Variants in GCH1 observed in about 807,000 individuals in gnomAD.
GCH1 encodes GTP cyclohydrolase 1.
In GCH1, 5 loss-of-function variants were observed where a neutral mutation model predicts 25.9. That is an observed-to-expected ratio of 0.19 (90% CI 0.10 to 0.41). The LOEUF (loss-of-function observed/expected upper bound fraction) is 0.41. GCH1 is among the 10% of genes least tolerant of loss of function. The pLI is 1.00. For missense variants in GCH1, 261 were observed against 336.5 expected (o/e 0.78, Z 1.75); for synonymous variants, 159 against 129.6 (o/e 1.23, Z -1.54).
intron 1 of GCH1, among the ~76,000 whole-genome samples, chr14:54,878,424 A>T (rs2040194674): frequency 6.6e-6 from 1 of 152,242 alleles, no homozygotes; most frequent in Non-Finnish European, 1.5e-5. Context: ...TGCCTAGGGC[A>T]TCACACCTCT....
intron 2 of GCH1, among the ~76,000 whole-genome samples, chr14:54,863,617 T>C (rs548003315): frequency 6.7e-6 from 1 of 150,220 alleles, no homozygotes; most frequent in Admixed American, 6.7e-5. Flanking sequence ...TAAACTACAA[T>C]GACAGGCAAT....
At chr14:54,859,055 G>A (rs1246175502) in intron 3 of GCH1, among the ~76,000 whole-genome samples, 1 of 152,230 alleles carries the variant, frequency 6.6e-6, no homozygotes, top group Admixed American at 6.5e-5. Context: ...GCTGTGCAAA[G>A]CCAAGGCAGG....
intron 1 of GCH1, among the ~76,000 whole-genome samples, chr14:54,879,984 CAAAAAAA>C (rs35476604): frequency 6.0e-5 from 3 of 49,590 alleles, no homozygotes; most frequent in African/African-American, 6.8e-5. Context: ...GGCTCTGTCT[CAAAAAAA>C]AAAAAAAAAA....
At chr14:54,844,978 C>T (rs2039617985) in intron 5 of GCH1, among the ~76,000 whole-genome samples, 1 of 152,134 alleles carries the variant, frequency 6.6e-6, no homozygotes, top group Admixed American at 6.5e-5. Flanking sequence ...TTGAGATCCC[C>T]AGCCTGGCCA....
At position 54,902,652 on chromosome 14, in the gene GCH1, G is replaced by A. The variant is rs760502498; in HGVS notation, c.12C>T (p.Gly4=). Residue 4 remains glycine, a synonymous_variant, in exon 1 of 6, where the codon GGC becomes GGT. Coordinates refer to ENST00000491895, the MANE Select transcript of GCH1 (RefSeq NM_000161.3). The stretch of plus-strand genomic sequence containing the variant: ...GCTTCTCCGCCGGTGCCCGCACAGG[G>A]CCCTTCTCCATGGACCCGCCGCAGC... MEK[G]PVRAPAEKPR... 6.8e-7 allele frequency: 1 copy of A among 1,475,696 alleles called. No individual in the cohort carries two copies. The highest frequency in any genetic ancestry group is 1.3e-5 in the South Asian group (1 of 76,940). The allele number at this position is 1,475,696 out of a possible 1,614,324, so 91.4% of individuals were successfully genotyped here.
At chr14:54,870,908 C>T (rs1438542977) in intron 1 of GCH1, among the ~76,000 whole-genome samples, 1 of 152,256 alleles carries the variant, frequency 6.6e-6, no homozygotes, top group African/African-American at 2.4e-5. Flanking sequence ...CCTCCGTAGA[C>T]TCCACCTCTG....
chr14:54,867,589 C>CAAAAAAAAAAA lies in GCH1; in HGVS notation c.344-2164_344-2154dup, dbSNP rs1029899399. The stretch of plus-strand genomic sequence containing the variant: ...GGCAAGAGAGAACAAGACTCCGTCT[C>CAAAAAAAAAAA]AAAAAAAAAAAAAAAAAAAAAAAAA... On this transcript the variant is annotated intron_variant, in intron 1 of 5. Transcript: ENST00000491895. Among the ~76,000 whole-genome samples the CAAAAAAAAAAA allele has an allele frequency of 1.7e-3, 81 of 46,640 alleles. 2 individuals carry two copies. Among genetic ancestry groups the CAAAAAAAAAAA allele is most frequent in the Non-Finnish European group, 2.0e-3 (52 of 25,462 alleles). The allele number at this position is 46,640 out of a possible 152,430, so 30.6% of individuals were successfully genotyped here.
At chr14:54,866,911 A>C (rs1428102369) in intron 1 of GCH1, among the ~76,000 whole-genome samples, 1 of 152,148 alleles carries the variant, frequency 6.6e-6, no homozygotes, top group Admixed American at 6.5e-5. Flanking sequence ...CCAGGAGAAA[A>C]AGGCGCAGTG....
chr14:54,889,306 C>T (rs944373625), intron 1 of GCH1, among the ~76,000 whole-genome samples: 3 of 152,222 alleles, frequency 2.0e-5, no homozygotes, highest in Non-Finnish European at 4.4e-5. Context: ...ATAGCCCTTC[C>T]TCACTGCTAA....
chr14:54,862,666 C>G (rs1371474097), intron 2 of GCH1, among the ~76,000 whole-genome samples: 1 of 126,520 alleles, frequency 7.9e-6, no homozygotes, highest in East Asian at 2.6e-4. Flanking sequence ...AGGTTGGTCT[C>G]AAACTCCTGA....
chr14:54,898,770 C>A (rs548058499), intron 1 of GCH1, among the ~76,000 whole-genome samples: 1 of 152,254 alleles, frequency 6.6e-6, no homozygotes, highest in African/African-American at 2.4e-5. Context: ...CAGGTATGCG[C>A]CACCACATCT....
chr14:54,873,076 A>C (rs1011634694), intron 1 of GCH1, among the ~76,000 whole-genome samples: 1 of 152,032 alleles, frequency 6.6e-6, no homozygotes, highest in African/African-American at 2.4e-5. Context: ...CATCACACTT[A>C]TTCCAAAATT....
intron 3 of GCH1, among the ~76,000 whole-genome samples, chr14:54,855,698 C>T (rs1029215075): frequency 1.3e-5 from 2 of 151,634 alleles, no homozygotes; most frequent in South Asian, 4.2e-4. Context: ...TCAGTAATCC[C>T]AGCTACTGGG....
At chr14:54,882,424 C>T (rs1433028570) in intron 1 of GCH1, among the ~76,000 whole-genome samples, 1 of 152,234 alleles carries the variant, frequency 6.6e-6, no homozygotes, top group Non-Finnish European at 1.5e-5. Context: ...CCAAAGAACT[C>T]GCCTTTCTGG....
intron 1 of GCH1, among the ~76,000 whole-genome samples, chr14:54,894,705 C>T (rs1461684902): frequency 1.3e-5 from 2 of 151,924 alleles, no homozygotes; most frequent in Admixed American, 6.6e-5. Flanking sequence ...TGTTTTATTC[C>T]ACTTAGACAT....
At chr14:54,865,466 G>A (rs376604789) in intron 1 of GCH1, 30 bp from the exon 2 acceptor site, 16 of 1,049,650 alleles carry the variant, frequency 1.5e-5, no homozygotes, top group Non-Finnish European at 2.2e-5. Flanking sequence ...TTAGTAACAT[G>A]TCCAATTTTA....
intron 1 of GCH1, among the ~76,000 whole-genome samples, chr14:54,881,048 C>A (rs2040264880): frequency 6.6e-6 from 1 of 151,462 alleles, no homozygotes; most frequent in Non-Finnish European, 1.5e-5. Flanking sequence ...TGGTCTTGAA[C>A]TCCCAGCCTC....
intron 3 of GCH1, among the ~76,000 whole-genome samples, chr14:54,851,667 A>C (rs569608614): frequency 6.6e-6 from 1 of 152,314 alleles, no homozygotes; most frequent in East Asian, 1.9e-4. Context: ...TCAAAACCAC[A>C]ATGAGATACC....
chr14:54,871,510 C>T (rs896281667), intron 1 of GCH1, among the ~76,000 whole-genome samples: 10 of 152,084 alleles, frequency 6.6e-5, no homozygotes, highest in Non-Finnish European at 1.0e-4. Flanking sequence ...ATGACTTTGA[C>T]GAATTGAGAG....
Sources: allele counts gnomAD v4.1 joint callset (sites outside exome capture counted in the v4.1 genomes callset), GRCh38; gene constraint gnomAD v4.1.1; transcripts MANE v1.5; gene names NCBI Gene and HGNC (gene_info 2026-07-23, HGNC 2026-07-21).